EIF4E2: variants seen among roughly 807,000 people sequenced by gnomAD.
The protein encoded by EIF4E2 is eukaryotic translation initiation factor 4E type 2.
EIF4E2 carries 13 observed loss-of-function variants against 34.2 expected under a neutral mutation model. The observed-to-expected ratio is 0.38, with a 90% confidence interval of 0.25 to 0.60. The LOEUF is 0.60. Ranked by LOEUF, EIF4E2 falls within the 20% of genes least tolerant of loss-of-function variation. The pLI is 0.62. For missense variants in EIF4E2, 222 were observed against 315.1 expected, an observed-to-expected ratio of 0.70 and a Z score of 2.24; for synonymous variants, 100 against 106.6, an observed-to-expected ratio of 0.94 and a Z score of 0.38.
At chr2:232,570,321 A>C (rs1693061154), downstream of EIF4E2, among the ~76,000 whole-genome samples, 1 of 152,240 alleles carries the variant, frequency 6.6e-6, no homozygotes, top group Non-Finnish European at 1.5e-5. Context: ...CTATAAAATG[A>C]GAGATTTGCT....
chr2:232,577,566 G>T (rs1466838321), intron 6 of EIF4E2, among the ~76,000 whole-genome samples: 3 of 152,138 alleles, frequency 2.0e-5, no homozygotes, highest in African/African-American at 7.2e-5. Flanking sequence ...AGTACTAAAA[G>T]ATGACCATTT....
At chr2:232,575,864 A>T (rs979672611) in intron 6 of EIF4E2, among the ~76,000 whole-genome samples, 3 of 152,128 alleles carry the variant, frequency 2.0e-5, no homozygotes, top group East Asian at 3.9e-4. Flanking sequence ...GGCTTTTAAT[A>T]TTTTTTTTCA....
At chr2:232,561,963 C>G (rs1692741226) in intron 3 of EIF4E2, among the ~76,000 whole-genome samples, 1 of 152,044 alleles carries the variant, frequency 6.6e-6, no homozygotes, top group Non-Finnish European at 1.5e-5. Context: ...GCCTGTAGTC[C>G]CAGCACTCAG....
chr2:232,574,311 G>A (rs1172165388), intron 6 of EIF4E2: 23 of 1,550,354 alleles, frequency 1.5e-5, no homozygotes, highest in African/African-American at 1.2e-4. Context: ...GCCGCTGATC[G>A]GACGCTCCCC....
In EIF4E2 at chr2:232,581,026, T is replaced by C. The variant is rs1462211731; in HGVS notation, c.*83T>C. The C allele has an allele frequency of 7.2e-7, 1 of 1,386,236 alleles. No individual in the cohort carries two copies. The highest frequency in any genetic ancestry group is 2.0e-5 in the Admixed American group (1 of 50,782). The allele number at this position is 1,386,236 out of a possible 1,614,324, so 85.9% of individuals were successfully genotyped here. On this transcript the variant is annotated 3_prime_UTR_variant, in exon 7 of 7. Coordinates refer to the EIF4E2 transcript ENST00000409098. The surrounding 1 kb of genome is among the most constrained non-coding windows in gnomAD (Gnocchi z 5.2). ...GGGAGGCCTCCAGCCAGTCCTTCCA[T>C]TGCTCACTGAAGGGACGTCCCTGAG... is the stretch of plus-strand genomic sequence containing the variant.
At chr2:232,569,256 C>A (rs929177709), downstream of EIF4E2, 13 of 1,354,444 alleles carry the variant, frequency 9.6e-6, no homozygotes, top group Middle Eastern at 2.7e-4. Flanking sequence ...AAGATGTGGC[C>A]TTTCGGACTG....
chr2:232,570,188 A>G (rs1693058647), downstream of EIF4E2, among the ~76,000 whole-genome samples: 1 of 151,964 alleles, frequency 6.6e-6, no homozygotes, highest in Non-Finnish European at 1.5e-5. Flanking sequence ...CTTACCTCTG[A>G]TCTCCATGTG....
Position 232,564,242 on chromosome 2 carries a change from T to C in EIF4E2, c.271-5T>C, listed in dbSNP as rs776864856. On this transcript the variant is annotated splice_polypyrimidine_tract_variant and splice_region_variant and intron_variant, in intron 3 of 6. Transcript: ENST00000258416. ...GTTTTTTACTCTGGGGTCTTCTCTCTGCAGGTGGAGCAGTTCTGGAGGTTT... is the reference window on the plus strand; with the variant it reads ...GTTTTTTACTCTGGGGTCTTCTCTCCGCAGGTGGAGCAGTTCTGGAGGTTT... 2.5e-6 allele frequency: 4 copies of C among 1,582,450 alleles called. No individual in the cohort carries two copies. In the Admixed American group the frequency reaches 5.4e-5, roughly 21 times the overall value.
chr2:232,557,854 C>T (rs766734353), intron 2 of EIF4E2, 30 bp from the exon 3 acceptor site: 1 of 1,608,058 alleles, frequency 6.2e-7, no homozygotes, highest in Non-Finnish European at 8.5e-7. Context: ...GACAAATGCC[C>T]AGGACTAACA....
intron 3 of EIF4E2, among the ~76,000 whole-genome samples, chr2:232,559,721 ATTGT>A (rs1213650028): frequency 6.6e-6 from 1 of 150,906 alleles, no homozygotes; most frequent in Non-Finnish European, 1.5e-5. Context: ...AGGTGGGAAG[ATTGT>A]TTGAGCCCAG....
rs746001988 is a variant in EIF4E2 at position 232,566,848 on chromosome 2, G to A, written c.395G>A (p.Gly132Asp). The change falls in exon 5 of 7, where the codon GGT (glycine) becomes GAT (aspartate). Residue 132 changes from glycine to aspartate, a missense_variant. By Grantham distance (94) the Gly-to-Asp change is moderately conservative. Transcript: ENST00000258416. The surrounding 1 kb of genome is among the most constrained non-coding windows in gnomAD (Gnocchi z 4.9). The part of the protein sequence containing the change: ...PMWEDDANKN[G>D]GKWIIRLRKG... ...TTACAGGATGATGCAAATAAAAATGGTGGCAAGTGGATTATTCGGCTGCGG... is the reference window on the plus strand; with the variant it reads ...TTACAGGATGATGCAAATAAAAATGATGGCAAGTGGATTATTCGGCTGCGG... 6.2e-7 allele frequency: 1 copy of A among 1,614,076 alleles called. No homozygotes were observed. The highest frequency in any genetic ancestry group is 1.7e-5 in the Admixed American group (1 of 59,994).
chr2:232,560,722 T>G (rs927522767), intron 3 of EIF4E2, among the ~76,000 whole-genome samples: 1 of 152,276 alleles, frequency 6.6e-6, no homozygotes, highest in South Asian at 2.1e-4. Context: ...CTAATACTTG[T>G]ATCTAGAATA....
intron 2 of EIF4E2, 125 bp from the exon 3 acceptor site, chr2:232,557,759 G>A: frequency 9.2e-7 from 1 of 1,089,224 alleles, no homozygotes; most frequent in Non-Finnish European, 1.3e-6. Flanking sequence ...GCACATTGCA[G>A]ATAGTTGAGG....
At chr2:232,582,308 T>A (rs564148109) in exon 7 of EIF4E2, 1 of 152,748 alleles carries the variant, frequency 6.5e-6, no homozygotes, top group Non-Finnish European at 1.5e-5. Flanking sequence ...AGAAATCATA[T>A]GAGAGTAACA....
At chr2:232,577,357 T>G (rs1257610302) in intron 6 of EIF4E2, among the ~76,000 whole-genome samples, 1 of 152,166 alleles carries the variant, frequency 6.6e-6, no homozygotes, top group African/African-American at 2.4e-5. Flanking sequence ...GCCTTCCTCC[T>G]TGGATGACTC....
chr2:232,576,846 C>T (rs991163859), intron 6 of EIF4E2, among the ~76,000 whole-genome samples: 1 of 152,168 alleles, frequency 6.6e-6, no homozygotes, highest in African/African-American at 2.4e-5. Context: ...TCTTTTTCCT[C>T]CAAATAGATT....
At chr2:232,567,396 C>G (rs1357233033) in intron 6 of EIF4E2, 182 bp downstream of exon 6, 8 of 1,419,764 alleles carry the variant, frequency 5.6e-6, no homozygotes, top group Non-Finnish European at 6.4e-6. Context: ...TCCCTGCCAC[C>G]TATACTACCA....
At position 232,554,510 on chromosome 2, in the gene EIF4E2, G is replaced by A. The variant is rs74913005; in HGVS notation, c.21-1906G>A. On this transcript the variant is annotated intron_variant, in intron 1 of 6. Transcript: ENST00000258416. ...CTGGTAGCTCATACACACCATAGATGCTTGGTAGATGTTGGTAATTTTTAA... is the reference window on the plus strand; with the variant it reads ...CTGGTAGCTCATACACACCATAGATACTTGGTAGATGTTGGTAATTTTTAA... Among the ~76,000 whole-genome samples the A allele has an allele frequency of 3.0e-3, 464 of 152,282 alleles. 1 individual carries two copies. Among genetic ancestry groups the A allele is most frequent in the African/African-American group, 0.011 (445 of 41,552 alleles).
chr2:232,558,156 G>T, intron 3 of EIF4E2, 138 bp downstream of exon 3: 1 of 1,158,188 alleles, frequency 8.6e-7, no homozygotes, highest in Non-Finnish European at 1.2e-6. Flanking sequence ...TCCGGAGTCA[G>T]ATTTGTTCAT....
Sources: allele counts gnomAD v4.1 joint callset (sites outside exome capture counted in the v4.1 genomes callset), GRCh38; gene constraint gnomAD v4.1.1; non-coding constraint Gnocchi (gnomAD v3.1); transcripts MANE v1.5; gene names NCBI Gene and HGNC (gene_info 2026-07-23, HGNC 2026-07-21).